Variants in CDCA2 observed in about 807,000 individuals in gnomAD.
CDCA2 encodes the protein cell division cycle-associated protein 2.
CDCA2 carries 44 observed loss-of-function variants against 67.0 expected under a neutral mutation model. The ratio of observed to expected loss-of-function variants is 0.66; its 90% CI spans 0.52 to 0.84. CDCA2 has a LOEUF of 0.84. Ranked by LOEUF, CDCA2 falls within the 40% of genes least tolerant of loss-of-function variation. The pLI, the probability that CDCA2 is intolerant of heterozygous loss-of-function variation, is 0.00. For missense variants in CDCA2, 1,253 were observed against 1,203.2 expected, an observed-to-expected ratio of 1.04 and a Z score of -0.61; for synonymous variants, 447 against 418.7, an observed-to-expected ratio of 1.07 and a Z score of -0.82.
intron 4 of CDCA2, among the ~76,000 whole-genome samples, chr8:25,463,400 ACAT>A (rs758671477): frequency 1.3e-5 from 2 of 152,224 alleles, no homozygotes. Context: ...AGCTCATATA[ACAT>A]CATAAAACAA....
chr8:25,463,489 C>G (rs181754469), intron 4 of CDCA2, among the ~76,000 whole-genome samples: 1 of 151,992 alleles, frequency 6.6e-6, no homozygotes, highest in African/African-American at 2.4e-5. Flanking sequence ...AAATCTAGCA[C>G]AAAAGGTTAC....
At chr8:25,505,596 A>G (rs138630763) in intron 14 of CDCA2, among the ~76,000 whole-genome samples, 239 of 152,364 alleles carry the variant, frequency 1.6e-3, no homozygotes, top group Non-Finnish European at 2.7e-3. Flanking sequence ...TTTAAGTGAC[A>G]TGATTTTAAG....
intron 8 of CDCA2, among the ~76,000 whole-genome samples, chr8:25,483,069 A>G (rs963398199): frequency 2.6e-5 from 4 of 152,174 alleles, no homozygotes; most frequent in Non-Finnish European, 4.4e-5. Context: ...ATATTGAGCA[A>G]TGACCATATG....
At chr8:25,480,991 G>A (rs1803545693) in intron 8 of CDCA2, among the ~76,000 whole-genome samples, 2 of 152,024 alleles carry the variant, frequency 1.3e-5, no homozygotes, top group African/African-American at 4.8e-5. Context: ...CAAACCATAA[G>A]CATTTTAACA....
upstream of CDCA2, chr8:25,458,965 A>C (rs963487315): frequency 6.6e-6 from 1 of 152,264 alleles, no homozygotes; most frequent in Non-Finnish European, 1.5e-5. Context: ...GCGCTAAGAG[A>C]AGCGTTACTC....
At chr8:25,501,471 C>T (rs895236513) in intron 13 of CDCA2, among the ~76,000 whole-genome samples, 3 of 152,212 alleles carry the variant, frequency 2.0e-5, no homozygotes, top group Non-Finnish European at 4.4e-5. Context: ...GGGCTCTGCT[C>T]CTGCCACTCC....
At chr8:25,500,586 C>T (rs1185671717) in intron 13 of CDCA2, among the ~76,000 whole-genome samples, 2 of 151,992 alleles carry the variant, frequency 1.3e-5, no homozygotes, top group African/African-American at 2.4e-5. Flanking sequence ...AACTCACCGC[C>T]GCCTCAACCT....
At chr8:25,494,321 A>G (rs73550851) in intron 13 of CDCA2, among the ~76,000 whole-genome samples, 165 of 152,338 alleles carry the variant, frequency 1.1e-3, no homozygotes, top group African/African-American at 3.6e-3. Context: ...ACTTAAAAAA[A>G]AAAATTCAGA....
chr8:25,496,453 G>A (rs940960611), intron 13 of CDCA2, among the ~76,000 whole-genome samples: 2 of 152,054 alleles, frequency 1.3e-5, no homozygotes, highest in African/African-American at 4.8e-5. Context: ...TGCTTAAAAC[G>A]TTTGATAAAA....
At chr8:25,489,434 A>C (rs1237096511) in intron 13 of CDCA2, among the ~76,000 whole-genome samples, 2 of 151,792 alleles carry the variant, frequency 1.3e-5, no homozygotes, top group Non-Finnish European at 2.9e-5. Flanking sequence ...ACTGTTTCCA[A>C]CTCTTGTCAG....
chr8:25,468,184 C>G, intron 5 of CDCA2, 33 bp from the exon 6 acceptor site: 1 of 1,259,178 alleles, frequency 7.9e-7, no homozygotes, highest in Non-Finnish European at 1.1e-6. Flanking sequence ...ACATTTATGC[C>G]TGTGTCGTTT....
At chr8:25,495,730 G>C (rs945238516) in intron 13 of CDCA2, among the ~76,000 whole-genome samples, 38 of 152,184 alleles carry the variant, frequency 2.5e-4, no homozygotes, top group African/African-American at 7.9e-4. Context: ...CTATAAGGGG[G>C]ATAAATCTTA....
At chr8:25,487,390 T>C (rs1803820924) in intron 12 of CDCA2, 56 bp downstream of exon 12, 4 of 1,121,706 alleles carry the variant, frequency 3.6e-6, no homozygotes, top group Non-Finnish European at 4.0e-6. Flanking sequence ...AATATACTTT[T>C]CTGTTTTCAT....
Position 25,462,069 on chromosome 8 carries a change from A to T in CDCA2, c.248A>T (p.Tyr83Phe). The T allele has an allele frequency of 6.2e-7, 1 of 1,613,864 alleles. No individual in the cohort carries two copies. Among genetic ancestry groups the T allele is most frequent in the Non-Finnish European group, 8.5e-7 (1 of 1,179,800 alleles). ...TTCATTACAGGAAAGTCATCATCCTACCTTAAAAAATGTAGACGACGTTCT... is the reference window on the plus strand; with the variant it reads ...TTCATTACAGGAAAGTCATCATCCTTCCTTAAAAAATGTAGACGACGTTCT... ...VRNSAGKSSSYLKKCRRRSAV... is the reference protein window; with the variant it reads ...VRNSAGKSSSFLKKCRRRSAV... The change falls in exon 4 of 15, where the codon TAC becomes TTC. Residue 83 changes from tyrosine (Y) to phenylalanine (F), a missense_variant. By Grantham distance (22) the Tyr-to-Phe change is conservative (BLOSUM62 3). Coordinates refer to ENST00000330560, the MANE Select transcript of CDCA2 (RefSeq NM_152562.4).
rs534050732 is a variant in CDCA2 at position 25,476,434 on chromosome 8, T to G, written c.821-3479T>G. ...GTACCATTGAGAAAATAAGAGATTT[T>G]GGGAGCAAAGGTCTTGGTCCTCTCA... is the stretch of plus-strand genomic sequence containing the variant. On this transcript the variant is annotated intron_variant, in intron 7 of 14. Coordinates refer to ENST00000330560, the MANE Select transcript of CDCA2 (RefSeq NM_152562.4). 1.1e-4 allele frequency among the ~76,000 whole-genome samples: 17 copies of G among 152,308 alleles called. No homozygotes were observed. The South Asian group carries it at 2.5e-3, about 22-fold the overall frequency.
rs1371351940 is a variant in CDCA2, at chr8:25,487,205, T to C, written c.1445-41T>C. On this transcript the variant is annotated intron_variant, in intron 11 of 14. Transcript: ENST00000330560. ...CAAAGGAAGATGTATGTTATAGTTT[T>C]TGGTTTCCTACCCTGATTTAGCTTT... 3 of 1,252,466 alleles carry C rather than the reference T, an allele frequency of 2.4e-6. No homozygotes were observed. In the Admixed American group the frequency reaches 5.1e-5, roughly 21 times the overall value. 77.6% of individuals were successfully genotyped at this position (1,252,466 alleles called of 1,614,324 possible). A position where few individuals can be genotyped will look rare whatever the true frequency, so the allele number is the denominator to read the frequency against.
chr8:25,486,969 A>G (rs574189339), intron 11 of CDCA2, among the ~76,000 whole-genome samples: 1 of 152,268 alleles, frequency 6.6e-6, no homozygotes, highest in East Asian at 1.9e-4. Flanking sequence ...AAATACATGC[A>G]TTTATTGTAA....
chr8:25,491,155 A>G (rs1303977592), intron 13 of CDCA2, among the ~76,000 whole-genome samples: 2 of 152,208 alleles, frequency 1.3e-5, no homozygotes, highest in Non-Finnish European at 2.9e-5. Flanking sequence ...AAAGTCTCCC[A>G]GAAGATAGAG....
At chr8:25,478,897 T>C (rs997898951) in intron 7 of CDCA2, among the ~76,000 whole-genome samples, 4 of 148,768 alleles carry the variant, frequency 2.7e-5, no homozygotes, top group African/African-American at 9.9e-5. Context: ...TGTATATATA[T>C]ATATATATAT....
Sources: allele counts gnomAD v4.1 joint callset (sites outside exome capture counted in the v4.1 genomes callset), GRCh38; gene constraint gnomAD v4.1.1; transcripts MANE v1.5; gene names NCBI Gene and HGNC (gene_info 2026-07-23, HGNC 2026-07-21).